TJP1: variants seen among roughly 807,000 people sequenced by gnomAD.
TJP1 encodes tight junction protein ZO-1.
In TJP1, 43 loss-of-function variants were observed where a neutral mutation model predicts 194.2. The observed-to-expected ratio is 0.22, with a 90% confidence interval of 0.17 to 0.29. The LOEUF (loss-of-function observed/expected upper bound fraction) is 0.29. Ranked by LOEUF, TJP1 falls within the 10% of genes least tolerant of loss-of-function variation. The pLI is 1.00. For missense variants in TJP1, 1,971 were observed against 2,185.7 expected (o/e 0.90, Z 1.96); for synonymous variants, 801 against 779.0 (o/e 1.03, Z -0.47).
intron 2 of TJP1, among the ~76,000 whole-genome samples, chr15:29,936,310 G>A (rs539137595): frequency 2.0e-5 from 3 of 152,190 alleles, no homozygotes; most frequent in Non-Finnish European, 2.9e-5. Flanking sequence ...ACATTAACAC[G>A]CCACTAAATA....
chr15:29,761,478 T>G (rs1460644039), intron 7 of TJP1, 123 bp downstream of exon 7: 1 of 1,342,252 alleles, frequency 7.5e-7, no homozygotes, highest in African/African-American at 1.5e-5. Flanking sequence ...TATATAAAAC[T>G]TATAGATTTT....
At chr15:29,811,170 G>A (rs1320584484) in intron 1 of TJP1, among the ~76,000 whole-genome samples, 1 of 152,080 alleles carries the variant, frequency 6.6e-6, no homozygotes, top group African/African-American at 2.4e-5. Flanking sequence ...TAGAGGGGTA[G>A]GCAGGGGCCA....
chr15:29,835,159 T>C lies in TJP1; in HGVS notation c.307-34457A>G, dbSNP rs182990996. ...AAAAGCTGAAGATCTTTTTCATCCC[T>C]GACTATGAGGCCAATGTGAGATGTG... On this transcript the variant is annotated intron_variant, in intron 2 of 28. Transcript: ENST00000356107. Among the ~76,000 whole-genome samples the C allele has an allele frequency of 2.5e-4, 38 of 152,326 alleles. No homozygotes were observed. The East Asian group carries it at 5.2e-3, about 21-fold the overall frequency.
chr15:29,769,886 G>C (rs922925172), intron 4 of TJP1, among the ~76,000 whole-genome samples: 1 of 152,178 alleles, frequency 6.6e-6, no homozygotes, highest in Non-Finnish European at 1.5e-5. Context: ...CATTACTGCA[G>C]AGTGTACTCC....
intron 2 of TJP1, among the ~76,000 whole-genome samples, chr15:29,884,749 T>C (rs1456954969): frequency 6.6e-6 from 1 of 152,160 alleles, no homozygotes; most frequent in Non-Finnish European, 1.5e-5. Flanking sequence ...TGAGCGGAGA[T>C]GAGACATTAC....
At chr15:29,858,103 C>T (rs977532550) in intron 2 of TJP1, among the ~76,000 whole-genome samples, 4 of 152,132 alleles carry the variant, frequency 2.6e-5, no homozygotes, top group African/African-American at 9.7e-5. Flanking sequence ...ATTCTGCCTT[C>T]AGGACTATGG....
At chr15:29,715,356 ATAAACTGCTTTCTTCT>A (rs2042498606) in intron 23 of TJP1, among the ~76,000 whole-genome samples, 1 of 152,212 alleles carries the variant, frequency 6.6e-6, no homozygotes, top group Non-Finnish European at 1.5e-5. Flanking sequence ...TTGGATTCTC[ATAAACTGCTTTCTTCT>A]GTAAACATAA....
At chr15:29,824,257 G>A (rs974249229), upstream of TJP1, among the ~76,000 whole-genome samples, 2 of 151,268 alleles carry the variant, frequency 1.3e-5, no homozygotes, top group African/African-American at 4.9e-5. Context: ...CAGCCTGGCC[G>A]ACATGGTGAA....
At chr15:29,811,275 G>C (rs968315912) in intron 1 of TJP1, among the ~76,000 whole-genome samples, 1 of 151,960 alleles carries the variant, frequency 6.6e-6, no homozygotes. Flanking sequence ...ATGAGTGTTC[G>C]CATGTGTGTG....
At chr15:29,749,531 C>A (rs2151423683) in intron 8 of TJP1, among the ~76,000 whole-genome samples, 1 of 152,200 alleles carries the variant, frequency 6.6e-6, no homozygotes, top group Middle Eastern at 3.4e-3. Context: ...GAAGGTGCAT[C>A]CCCTCAGCAT....
chr15:29,752,860 C>G (rs2045378118), intron 8 of TJP1, among the ~76,000 whole-genome samples: 1 of 152,178 alleles, frequency 6.6e-6, no homozygotes, highest in South Asian at 2.1e-4. Flanking sequence ...CTCCCTTGCT[C>G]TTATGATGTA....
intron 5 of TJP1, among the ~76,000 whole-genome samples, chr15:29,762,698 A>C (rs952420352): frequency 1.3e-5 from 2 of 152,190 alleles, no homozygotes; most frequent in Non-Finnish European, 2.9e-5. Context: ...GAAAAGGAGA[A>C]AATCCCCAAG....
intron 13 of TJP1, 57 bp from the exon 14 acceptor site, chr15:29,732,872 G>T: frequency 1.4e-6 from 2 of 1,462,858 alleles, no homozygotes; most frequent in Non-Finnish European, 1.8e-6. Flanking sequence ...AATGGAAAAA[G>T]ACCCACAATG....
intron 2 of TJP1, among the ~76,000 whole-genome samples, chr15:29,947,389 G>A (rs571291700): frequency 6.6e-6 from 1 of 152,222 alleles, no homozygotes; most frequent in South Asian, 2.1e-4. Flanking sequence ...CCTCAGATAC[G>A]TATCTCTGAA....
chr15:29,852,647 C>T (rs1210741045), intron 2 of TJP1, among the ~76,000 whole-genome samples: 2 of 152,196 alleles, frequency 1.3e-5, no homozygotes, highest in African/African-American at 2.4e-5. Context: ...TGGTGGCTCA[C>T]GCCTGTAATC....
At chr15:29,783,352 T>A (rs1370864405) in intron 2 of TJP1, among the ~76,000 whole-genome samples, 20 of 151,602 alleles carry the variant, frequency 1.3e-4, no homozygotes. Flanking sequence ...CAAAAAAAAA[T>A]AACAGATGCT....
Position 29,758,317 on chromosome 15 carries a change from G to A in TJP1, c.1010+2822C>T, listed in dbSNP as rs79695108. 5.8e-3 allele frequency among the ~76,000 whole-genome samples: 877 copies of A among 152,026 alleles called. 29 individuals carry two copies. In the East Asian group the frequency reaches 0.097, roughly 17 times the overall value. On this transcript the variant is annotated intron_variant, in intron 8 of 27. Transcript: ENST00000614355. ...TCCGTCTCAGATCAGCTGAAAGCAA[G>A]CCCCAGAAGTTTGTATTTTTAAAAG...
chr15:29,908,637 C>G (rs535368528), intron 2 of TJP1, among the ~76,000 whole-genome samples: 1 of 152,076 alleles, frequency 6.6e-6, no homozygotes, highest in Admixed American at 6.6e-5. Flanking sequence ...TATTAGCAGA[C>G]GCCAGTTATG....
At chr15:29,932,797 T>A (rs2054762562) in intron 2 of TJP1, among the ~76,000 whole-genome samples, 2 of 152,148 alleles carry the variant, frequency 1.3e-5, no homozygotes, top group Non-Finnish European at 1.5e-5. Context: ...AAGCCTCCAT[T>A]TTTGTTTTCA....
Sources: gnomAD v4.1 joint callset for allele counts (sites outside exome capture counted in the v4.1 genomes callset) on GRCh38, gnomAD v4.1.1 for gene constraint, MANE v1.5 for transcripts, NCBI Gene and HGNC (gene_info 2026-07-23, HGNC 2026-07-21) for gene names.